TMEM132B: variants seen among roughly 807,000 people sequenced by gnomAD.
TMEM132B encodes the protein transmembrane protein 132B.
In TMEM132B, 18 loss-of-function variants were observed where a neutral mutation model predicts 90.8. The ratio of observed to expected loss-of-function variants is 0.20; its 90% CI spans 0.14 to 0.29. The LOEUF (loss-of-function observed/expected upper bound fraction) is 0.29, where lower values mean the gene tolerates loss of function less well. TMEM132B is among the 10% of genes least tolerant of loss of function. The probability of loss-of-function intolerance (pLI) is 1.00; values close to 1 mark genes in which losing one functional copy is unlikely to be tolerated. For missense variants in TMEM132B, 1,096 were observed against 1,326.8 expected, an observed-to-expected ratio of 0.83 and a Z score of 2.70; for synonymous variants, 504 against 523.3, an observed-to-expected ratio of 0.96 and a Z score of 0.50.
At position 125,612,761 on chromosome 12, in the gene TMEM132B, C is replaced by T. The variant is rs75062832; in HGVS notation, c.1437+28767C>T. Among the ~76,000 whole-genome samples the T allele has an allele frequency of 7.4e-3, 985 of 133,076 alleles. 11 individuals carry two copies. The highest frequency in any genetic ancestry group is 0.024 in the African/African-American group (905 of 36,966). The allele number at this position is 133,076 out of a possible 152,430, so 87.3% of individuals were successfully genotyped here. A position where few individuals can be genotyped will look rare whatever the true frequency, so the allele number is the denominator to read the frequency against. On this transcript the variant is annotated intron_variant, in intron 5 of 8. Coordinates refer to ENST00000682704, the MANE Select transcript of TMEM132B (RefSeq NM_001366854.1). The stretch of plus-strand genomic sequence containing the variant: ...TGATACATGTCCCTCTGTCCTTTTC[C>T]TTTCAATCTAATTTATCTTTAAAAA...
At position 125,415,970 on chromosome 12, in the gene TMEM132B, T is replaced by C. The variant is rs1029961226; in HGVS notation, c.1106+293T>C. On this transcript the variant is annotated intron_variant, in intron 3 of 8. Transcript: ENST00000682704. This position sits in a 1 kb window ranked among gnomAD's most constrained non-coding sequence, Gnocchi z 5.3. ...AATGATTTAAGAGGCAAGGGGAAAA[T>C]ATACTTAGTAATGAGCAAACCGAGG... Among the ~76,000 whole-genome samples the C allele has an allele frequency of 6.6e-6, 1 of 152,086 alleles. No homozygotes were observed. Among genetic ancestry groups the C allele is most frequent in the Non-Finnish European group, 1.5e-5 (1 of 68,012 alleles).
intron 3 of TMEM132B, among the ~76,000 whole-genome samples, chr12:125,512,254 G>A (rs552750743): frequency 6.6e-6 from 1 of 152,300 alleles, no homozygotes; most frequent in South Asian, 2.1e-4. Flanking sequence ...GCCCCAGCTG[G>A]TTATTACCAC....
chr12:125,256,438 G>C (rs1410771597), intron 1 of TMEM132B, among the ~76,000 whole-genome samples: 1 of 152,202 alleles, frequency 6.6e-6, no homozygotes. Context: ...GCTGAGATTT[G>C]CAAAGTAGGG....
chr12:125,307,385 T>C (rs1229438320), intron 1 of TMEM132B, among the ~76,000 whole-genome samples: 1 of 152,078 alleles, frequency 6.6e-6, no homozygotes, highest in African/African-American at 2.4e-5. Flanking sequence ...GTCTGTATGG[T>C]TGTGATTCTT....
In TMEM132B at chr12:125,491,741, CT is replaced by C. The variant is rs146535990; in HGVS notation, c.1107-27697del. 6.5e-3 allele frequency among the ~76,000 whole-genome samples: 993 copies of C among 152,308 alleles called. 11 individuals carry two copies. Among genetic ancestry groups the C allele is most frequent in the African/African-American group, 0.023 (949 of 41,554 alleles). Reference sequence around the variant, plus strand: ...AGTCAAGTATGGGCCAACCCACTGGCTCGATGGATCGATAGGCGTTTGTTTG... The same window carrying C: ...AGTCAAGTATGGGCCAACCCACTGGCCGATGGATCGATAGGCGTTTGTTTG... On this transcript the variant is annotated intron_variant, in intron 3 of 8. Transcript: ENST00000682704.
In TMEM132B at chr12:125,347,346, C is replaced by T. The variant is rs143652999; in HGVS notation, c.68-2106C>T. ...TACCCTGCTGGAGTAATGAATCTAA[C>T]AAGGGACTGGCCATGTTGATGACAT... On this transcript the variant is annotated intron_variant, in intron 1 of 8. Transcript: ENST00000682704. Among the ~76,000 whole-genome samples the T allele has an allele frequency of 7.9e-5, 12 of 152,190 alleles. No individual in the cohort carries two copies. In the East Asian group the frequency reaches 2.3e-3, roughly 29 times the overall value.
At chr12:125,479,461 C>T (rs954462983) in intron 3 of TMEM132B, among the ~76,000 whole-genome samples, 2 of 152,138 alleles carry the variant, frequency 1.3e-5, no homozygotes, top group Admixed American at 1.3e-4. Flanking sequence ...AGGCTGCAAT[C>T]CTAGTCTCTG....
At chr12:125,621,372 AATG>A (rs1288071870) in intron 5 of TMEM132B, among the ~76,000 whole-genome samples, 2 of 152,114 alleles carry the variant, frequency 1.3e-5, no homozygotes, top group African/African-American at 4.8e-5. Flanking sequence ...GAATGTAAGG[AATG>A]ATGATCTCTT....
Position 125,407,700 on chromosome 12 carries a change from C to T in TMEM132B, c.960-7831C>T, listed in dbSNP as rs1413270995. Among the ~76,000 whole-genome samples the T allele has an allele frequency of 3.9e-5, 6 of 152,304 alleles. No individual in the cohort carries two copies. In the South Asian group the frequency reaches 8.3e-4, roughly 21 times the overall value. The stretch of plus-strand genomic sequence containing the variant: ...AGGCCAAAGCTCAGGTCACTCTTGT[C>T]GCTCAGAACCAAAGGGACCGCGGAC... On this transcript the variant is annotated intron_variant, in intron 2 of 8. Transcript: ENST00000682704. This position sits in a 1 kb window ranked among gnomAD's most constrained non-coding sequence, Gnocchi z 6.7.
At chr12:125,473,127 C>T (rs1433626597) in intron 3 of TMEM132B, among the ~76,000 whole-genome samples, 1 of 152,190 alleles carries the variant, frequency 6.6e-6, no homozygotes, top group African/African-American at 2.4e-5. Flanking sequence ...CTCTGTGCCC[C>T]AGACACACTG....
chr12:125,583,807 G>T, intron 4 of TMEM132B, 44 bp from the exon 5 acceptor site: 1 of 1,609,682 alleles, frequency 6.2e-7, no homozygotes, highest in Non-Finnish European at 8.5e-7. Context: ...TCGCCCCTGT[G>T]GTATGCACGT....
intron 4 of TMEM132B, among the ~76,000 whole-genome samples, chr12:125,554,940 T>C (rs1008427726): frequency 2.0e-5 from 3 of 152,240 alleles, no homozygotes; most frequent in Non-Finnish European, 2.9e-5. Context: ...CAGGTGGTTT[T>C]ATCACTGGGG....
At chr12:125,592,726 G>T (rs1265144215) in intron 5 of TMEM132B, among the ~76,000 whole-genome samples, 1 of 152,160 alleles carries the variant, frequency 6.6e-6, no homozygotes, top group Admixed American at 6.5e-5. Context: ...TTAAGTGGTT[G>T]TGTTTACAGA....
At chr12:125,555,939 A>G (rs1233331622) in intron 4 of TMEM132B, among the ~76,000 whole-genome samples, 1 of 151,860 alleles carries the variant, frequency 6.6e-6, no homozygotes, top group Non-Finnish European at 1.5e-5. Context: ...CAACTTTGAA[A>G]ATCAGAGAGA....
rs1156579270 is a variant in TMEM132B, at chr12:125,406,504, G to T, written c.960-9027G>T. On this transcript the variant is annotated intron_variant, in intron 2 of 8. Coordinates refer to ENST00000682704, the MANE Select transcript of TMEM132B (RefSeq NM_001366854.1). The surrounding 1 kb of genome is among the most constrained non-coding windows in gnomAD (Gnocchi z 8.3). ...GGCCAAAACCATCTGAGACTCACTG[G>T]TCTGGACTGAGCCATGCTCCTCTTT... Among the ~76,000 whole-genome samples, 1 of 152,226 alleles carries T rather than the reference G, an allele frequency of 6.6e-6. No individual in the cohort carries two copies. The highest frequency in any genetic ancestry group is 2.4e-5 in the African/African-American group (1 of 41,458).
At chr12:125,291,241 G>A (rs1249435582) in intron 1 of TMEM132B, among the ~76,000 whole-genome samples, 1 of 152,174 alleles carries the variant, frequency 6.6e-6, no homozygotes, top group African/African-American at 2.4e-5. Flanking sequence ...ACCAGAACCC[G>A]GCCAAGCTGA....
chr12:125,281,221 G>A (rs143970127), intron 1 of TMEM132B, among the ~76,000 whole-genome samples: 4,062 of 152,308 alleles, frequency 0.027, 73 homozygotes, highest in Non-Finnish European at 0.042. Flanking sequence ...CGGAGTGGGT[G>A]TGAGCAGGAA....
At chr12:125,574,486 C>T (rs1479327458) in intron 4 of TMEM132B, among the ~76,000 whole-genome samples, 1 of 152,124 alleles carries the variant, frequency 6.6e-6, no homozygotes, top group African/African-American at 2.4e-5. Flanking sequence ...ATGTGTTCTT[C>T]AGTTCTTTCT....
chr12:125,413,590 C>T (rs969181195), intron 2 of TMEM132B, among the ~76,000 whole-genome samples: 3 of 152,206 alleles, frequency 2.0e-5, no homozygotes, highest in African/African-American at 7.2e-5. Flanking sequence ...TGAATGCAGT[C>T]GTATACTATG....
Sources: gnomAD v4.1 joint callset for allele counts (sites outside exome capture counted in the v4.1 genomes callset) on GRCh38, gnomAD v4.1.1 for gene constraint, Gnocchi (gnomAD v3.1) non-coding constraint, MANE v1.5 for transcripts, NCBI Gene and HGNC (gene_info 2026-07-23, HGNC 2026-07-21) for gene names.